Variants in DHRS12 observed in about 807,000 individuals in gnomAD.
DHRS12 encodes the protein dehydrogenase/reductase 12, also known as dehydrogenase/reductase SDR family member 12.
In DHRS12, 29 loss-of-function variants were observed where a neutral mutation model predicts 32.1. That is an observed-to-expected ratio of 0.90 (90% confidence interval 0.67 to 1.23). The LOEUF (loss-of-function observed/expected upper bound fraction) is 1.23, where lower values mean the gene tolerates loss of function less well. Ranked by LOEUF, DHRS12 falls within the 50% of genes most tolerant of loss-of-function variation. DHRS12 has a pLI of 0.00. For synonymous variants in DHRS12, 150 were observed against 135.9 expected, an observed-to-expected ratio of 1.10 and a Z score of -0.72; for missense variants, 330 against 337.2, an observed-to-expected ratio of 0.98 and a Z score of 0.17.
intron 2 of DHRS12, among the ~76,000 whole-genome samples, chr13:51,798,551 T>C (rs1593569533): frequency 6.6e-6 from 1 of 152,322 alleles, no homozygotes; most frequent in South Asian, 2.1e-4. Flanking sequence ...GGGTGTTTCA[T>C]GGGAGGCTAC....
intron 4 of DHRS12, among the ~76,000 whole-genome samples, chr13:51,778,217 A>G (rs1292716979): frequency 6.6e-6 from 1 of 152,214 alleles, no homozygotes; most frequent in Non-Finnish European, 1.5e-5. Context: ...AGCCCACCTC[A>G]CAGGATCAGA....
Position 51,804,151 on chromosome 13 carries a change from C to A in DHRS12, c.-106G>T, listed in dbSNP as rs1173456352. 8 of 1,438,516 alleles carry A rather than the reference C, an allele frequency of 5.6e-6. No homozygotes were observed. The highest frequency in any genetic ancestry group is 6.4e-6 in the Non-Finnish European group (7 of 1,099,584). The allele number at this position is 1,438,516 out of a possible 1,614,324, so 89.1% of individuals were successfully genotyped here. A position where few individuals can be genotyped will look rare whatever the true frequency, so the allele number is the denominator to read the frequency against. On this transcript the variant is annotated 5_prime_UTR_variant, in exon 1 of 9. Transcript: ENST00000444610. ...GCCTAGCCCCACCGCGCTCCCGGCGCGGCCTCCGCCCTGGTCCCGCCCCCC... is the reference window on the plus strand; with the variant it reads ...GCCTAGCCCCACCGCGCTCCCGGCGAGGCCTCCGCCCTGGTCCCGCCCCCC...
intron 4 of DHRS12, 134 bp downstream of exon 4, chr13:51,789,877 A>G (rs977353105): frequency 7.5e-7 from 1 of 1,340,960 alleles, no homozygotes; most frequent in African/African-American, 1.5e-5. Flanking sequence ...AGTACAATTC[A>G]GAATAAACTT....
At chr13:51,787,758 TATA>T (rs1390084692) in intron 4 of DHRS12, among the ~76,000 whole-genome samples, 1 of 121,168 alleles carries the variant, frequency 8.3e-6, no homozygotes, top group East Asian at 2.1e-4. Flanking sequence ...TATTTTTATA[TATA>T]ATTATATAAA....
downstream of DHRS12, chr13:51,765,990 G>A (rs1328854445): frequency 6.6e-6 from 1 of 152,110 alleles, no homozygotes; most frequent in African/African-American, 2.4e-5. Context: ...GGTTCTCGGG[G>A]ATGCATGAGA....
chr13:51,768,847 G>C, intron 8 of DHRS12: 3 of 1,337,076 alleles, frequency 2.2e-6, no homozygotes, highest in Non-Finnish European at 2.9e-6. Context: ...GCTTTGAATA[G>C]CGCCCCTCCT....
In DHRS12 at chr13:51,777,133, C is replaced by A. The variant is rs934854160; in HGVS notation, c.302-12G>T. 6.2e-7 allele frequency: 1 copy of A among 1,613,942 alleles called. No individual in the cohort carries two copies. Among genetic ancestry groups the A allele is most frequent in the Non-Finnish European group, 8.5e-7 (1 of 1,180,018 alleles). On this transcript the variant is annotated splice_polypyrimidine_tract_variant and intron_variant, in intron 4 of 8. Coordinates refer to ENST00000444610, the MANE Select transcript of DHRS12 (RefSeq NM_001377533.1). ...GAGAATGTACACACCTGAGGCAGCA[C>A]ACAGCATCCCATGAGGGGGCTGCAG...
chr13:51,796,560 T>C (rs1955520253), intron 2 of DHRS12, among the ~76,000 whole-genome samples: 1 of 152,212 alleles, frequency 6.6e-6, no homozygotes, highest in South Asian at 2.1e-4. Flanking sequence ...GAATTAGATA[T>C]AAGCCAAACA....
At chr13:51,796,595 T>C (rs980571981) in intron 2 of DHRS12, among the ~76,000 whole-genome samples, 6 of 152,176 alleles carry the variant, frequency 3.9e-5, no homozygotes, top group African/African-American at 1.4e-4. Context: ...TCATTTTTCA[T>C]TTAAATATAC....
intron 3 of DHRS12, among the ~76,000 whole-genome samples, chr13:51,790,674 A>G (rs1287027298): frequency 6.6e-6 from 1 of 151,994 alleles, no homozygotes; most frequent in Non-Finnish European, 1.5e-5. Flanking sequence ...CACATCAGAA[A>G]CTCTTCGGAT....
intron 2 of DHRS12, among the ~76,000 whole-genome samples, chr13:51,796,776 C>T (rs1014232768): frequency 2.0e-5 from 3 of 152,160 alleles, no homozygotes; most frequent in Non-Finnish European, 2.9e-5. Context: ...CAGATCGCAG[C>T]GGCACTTGCA....
intron 4 of DHRS12, among the ~76,000 whole-genome samples, chr13:51,786,315 C>T (rs1165254436): frequency 6.6e-6 from 1 of 152,226 alleles, no homozygotes; most frequent in Non-Finnish European, 1.5e-5. Flanking sequence ...GAGTTTTAAT[C>T]TGCTAACGCT....
rs11309708 is a variant in DHRS12, at chr13:51,791,271, C to CAA, written c.127-16_127-15dup. The CAA allele has an allele frequency of 2.3e-3, 2,068 of 903,782 alleles. No individual in the cohort carries two copies. Among genetic ancestry groups the CAA allele is most frequent in the African/African-American group, 4.5e-3 (213 of 46,934 alleles). The allele number at this position is 903,782 out of a possible 1,614,324, so 56.0% of individuals were successfully genotyped here. A position where few individuals can be genotyped will look rare whatever the true frequency, so the allele number is the denominator to read the frequency against. Reference sequence around the variant, plus strand: ...CAGAAAAATGTTCTAAATTAGAAAGCAAAAAAAAAAAAAACCCTTTTTAAA... The same window carrying CAA: ...CAGAAAAATGTTCTAAATTAGAAAGCAAAAAAAAAAAAAAAACCCTTTTTAAA... On this transcript the variant is annotated splice_polypyrimidine_tract_variant and intron_variant, in intron 2 of 8. Transcript: ENST00000444610.
chr13:51,791,877 AT>A (rs1218880968), intron 2 of DHRS12, among the ~76,000 whole-genome samples: 1 of 152,200 alleles, frequency 6.6e-6, no homozygotes, highest in Non-Finnish European at 1.5e-5. Flanking sequence ...TGCCTGGCTT[AT>A]TGAACTTGGG....
At chr13:51,793,606 G>A (rs1375045519) in intron 2 of DHRS12, among the ~76,000 whole-genome samples, 1 of 152,180 alleles carries the variant, frequency 6.6e-6, no homozygotes, top group African/African-American at 2.4e-5. Context: ...TCAAAGGATA[G>A]GAAAAATGTT....
chr13:51,777,346 T>C (rs1170746458), intron 4 of DHRS12: 2 of 574,012 alleles, frequency 3.5e-6, no homozygotes, highest in Non-Finnish European at 6.2e-6. Flanking sequence ...CAGGAAAAGA[T>C]GTCCACACTA....
intron 2 of DHRS12, among the ~76,000 whole-genome samples, chr13:51,797,331 C>A (rs1474125752): frequency 6.6e-6 from 1 of 152,208 alleles, no homozygotes; most frequent in Non-Finnish European, 1.5e-5. Flanking sequence ...AATTATGTAG[C>A]CAATCCTGGT....
At chr13:51,768,822 T>TC (rs1460019187) in intron 8 of DHRS12, 1 of 1,286,054 alleles carries the variant, frequency 7.8e-7, no homozygotes, top group Non-Finnish European at 9.8e-7. Context: ...AGTCCGTTAC[T>TC]CCCTTTGCAG....
At chr13:51,796,367 C>T (rs1241092792) in intron 2 of DHRS12, among the ~76,000 whole-genome samples, 12 of 152,192 alleles carry the variant, frequency 7.9e-5, no homozygotes, top group Admixed American at 7.9e-4. Flanking sequence ...GACGCTCCAC[C>T]TCTGAGTGCT....
Sources: allele counts gnomAD v4.1 joint callset (sites outside exome capture counted in the v4.1 genomes callset), GRCh38; gene constraint gnomAD v4.1.1; transcripts MANE v1.5; gene names NCBI Gene and HGNC (gene_info 2026-07-23, HGNC 2026-07-21).